The following ZNF385B variants were observed in gnomAD, a reference collection of about 807,000 sequenced individuals.
ZNF385B encodes the protein zinc finger protein 385B, also known as zinc finger protein 533.
Under a neutral mutation model 39.2 loss-of-function variants are expected in ZNF385B, and 23 were observed. That is an observed-to-expected ratio of 0.59 (90% CI 0.42 to 0.83). ZNF385B has a LOEUF of 0.83. Among genes scored for constraint, ZNF385B ranks in the 40% least tolerant of loss-of-function variants. The pLI is 0.00. For missense variants in ZNF385B, 552 were observed against 598.9 expected (o/e 0.92, Z 0.82); for synonymous variants, 205 against 222.6 (o/e 0.92, Z 0.70).
At chr2:179,582,001 C>A (rs1686584706) in intron 3 of ZNF385B, among the ~76,000 whole-genome samples, 1 of 152,132 alleles carries the variant, frequency 6.6e-6, no homozygotes. Flanking sequence ...AGTAAACTAT[C>A]CTGTATTTTC....
At chr2:179,530,720 T>C (rs1046683902) in intron 4 of ZNF385B, among the ~76,000 whole-genome samples, 1 of 152,184 alleles carries the variant, frequency 6.6e-6, no homozygotes, top group African/African-American at 2.4e-5. Flanking sequence ...ATTTCTTCAT[T>C]TTGCAAAGCT....
At chr2:179,557,750 G>A (rs1392586991) in intron 3 of ZNF385B, among the ~76,000 whole-genome samples, 1 of 151,452 alleles carries the variant, frequency 6.6e-6, no homozygotes, top group East Asian at 1.9e-4. Flanking sequence ...GATTCATAGG[G>A]TACATGTATA....
chr2:179,632,091 C>A (rs528908225), intron 3 of ZNF385B, among the ~76,000 whole-genome samples: 3 of 152,172 alleles, frequency 2.0e-5, no homozygotes, highest in Admixed American at 6.5e-5. Context: ...GACTCCCACA[C>A]AATAATAATG....
chr2:179,542,895 G>T (rs984868959), intron 4 of ZNF385B, among the ~76,000 whole-genome samples: 10 of 152,158 alleles, frequency 6.6e-5, no homozygotes, highest in Non-Finnish European at 1.5e-4. Context: ...TATGGAATAT[G>T]ACTTTCTAAT....
intron 6 of ZNF385B, among the ~76,000 whole-genome samples, chr2:179,467,461 A>G (rs2052195839): frequency 6.6e-6 from 1 of 152,232 alleles, no homozygotes; most frequent in South Asian, 2.1e-4. Flanking sequence ...GAAGTGGAAA[A>G]CAAAACAGAA....
intron 1 of ZNF385B, among the ~76,000 whole-genome samples, chr2:179,781,607 A>G (rs529440604): frequency 2.0e-5 from 3 of 152,334 alleles, no homozygotes; most frequent in East Asian, 3.9e-4. Flanking sequence ...AGTATTAACT[A>G]TAAGAGAAAA....
chr2:179,795,142 G>A (rs1331095653), intron 1 of ZNF385B, among the ~76,000 whole-genome samples: 6 of 151,972 alleles, frequency 3.9e-5, no homozygotes, highest in Non-Finnish European at 5.9e-5. Flanking sequence ...AATCAAGGAA[G>A]CTAAAAAAGA....
chr2:179,787,863 T>C (rs1705095968), intron 1 of ZNF385B, among the ~76,000 whole-genome samples: 1 of 152,200 alleles, frequency 6.6e-6, no homozygotes, highest in African/African-American at 2.4e-5. Flanking sequence ...GGGGTTTGCC[T>C]ATTTCACTGC....
At chr2:179,744,887 A>G (rs565530178) in intron 3 of ZNF385B, among the ~76,000 whole-genome samples, 10 of 152,052 alleles carry the variant, frequency 6.6e-5, no homozygotes, top group Non-Finnish European at 1.2e-4. Flanking sequence ...AGCCTAAGCA[A>G]TAGCACTCCA....
intron 5 of ZNF385B, among the ~76,000 whole-genome samples, chr2:179,487,703 G>A (rs923436429): frequency 6.6e-6 from 1 of 152,188 alleles, no homozygotes; most frequent in African/African-American, 2.4e-5. Context: ...GCAGACACAT[G>A]CTTGTCTAGC....
At chr2:179,820,215 C>T (rs1281610479) in intron 1 of ZNF385B, among the ~76,000 whole-genome samples, 1 of 151,960 alleles carries the variant, frequency 6.6e-6, no homozygotes, top group Non-Finnish European at 1.5e-5. Context: ...TTCCAGTTTA[C>T]TATGTACCTT....
intron 7 of ZNF385B, 102 bp from the exon 8 acceptor site, chr2:179,445,830 A>C: frequency 8.6e-7 from 1 of 1,156,794 alleles, no homozygotes; most frequent in South Asian, 2.0e-5. Context: ...AAAATTCCCA[A>C]TGCTTTTTTA....
rs141155542 is a variant in ZNF385B, at chr2:179,703,055, A to G, written c.298+66448T>C. Reference sequence around the variant, plus strand: ...TCTTTTCAACACAGTAGCCAGGAAGATTCTGTTAAAAAGAAAGTTATGTTA... The same window carrying G: ...TCTTTTCAACACAGTAGCCAGGAAGGTTCTGTTAAAAAGAAAGTTATGTTA... On this transcript the variant is annotated intron_variant, in intron 3 of 9. Coordinates refer to ENST00000410066, the MANE Select transcript of ZNF385B (RefSeq NM_152520.6). Among the ~76,000 whole-genome samples the G allele has an allele frequency of 1.4e-3, 216 of 152,344 alleles. 1 individual carries two copies. The highest frequency in any genetic ancestry group is 6.2e-3 in the East Asian group (32 of 5,184).
chr2:179,741,157 C>T (rs1361986719), intron 3 of ZNF385B, among the ~76,000 whole-genome samples: 1 of 152,082 alleles, frequency 6.6e-6, no homozygotes, highest in African/African-American at 2.4e-5. Flanking sequence ...GCATAACTGA[C>T]AGAGAACTGA....
At chr2:179,663,866 C>T (rs1403782296) in intron 3 of ZNF385B, among the ~76,000 whole-genome samples, 10 of 152,014 alleles carry the variant, frequency 6.6e-5, no homozygotes, top group African/African-American at 2.4e-4. Flanking sequence ...CAGATTAAGC[C>T]AATGAGACCA....
intron 5 of ZNF385B, among the ~76,000 whole-genome samples, chr2:179,493,679 A>ATGTATACG (rs1308631208): frequency 1.4e-4 from 15 of 110,262 alleles, no homozygotes; most frequent in Admixed American, 1.2e-3. Context: ...ATATGCATAT[A>ATGTATACG]CATATACACA....
At chr2:179,782,423 C>T (rs1704724131) in intron 1 of ZNF385B, among the ~76,000 whole-genome samples, 1 of 152,136 alleles carries the variant, frequency 6.6e-6, no homozygotes, top group Non-Finnish European at 1.5e-5. Flanking sequence ...AAAACCAGCA[C>T]AAGACAAGGA....
At chr2:179,496,153 C>G (rs963203107) in intron 5 of ZNF385B, among the ~76,000 whole-genome samples, 1 of 151,966 alleles carries the variant, frequency 6.6e-6, no homozygotes, top group Non-Finnish European at 1.5e-5. Context: ...TAAAAGGAAT[C>G]AAGCAGAAAT....
chr2:179,639,705 A>G (rs1692092309), intron 3 of ZNF385B, among the ~76,000 whole-genome samples: 1 of 152,192 alleles, frequency 6.6e-6, no homozygotes, highest in African/African-American at 2.4e-5. Context: ...AGAAAACTAG[A>G]ATTTCACTAT....
Sources: allele counts gnomAD v4.1 joint callset (sites outside exome capture counted in the v4.1 genomes callset), GRCh38; gene constraint gnomAD v4.1.1; transcripts MANE v1.5; gene names NCBI Gene and HGNC (gene_info 2026-07-23, HGNC 2026-07-21).